The following CCDC85A variants were observed in gnomAD, a reference collection of about 807,000 sequenced individuals.
CCDC85A encodes the protein coiled-coil domain-containing protein 85A.
CCDC85A carries 38 observed loss-of-function variants against 50.2 expected under a neutral mutation model. That is an observed-to-expected ratio of 0.76 (90% confidence interval 0.58 to 0.99). The LOEUF (loss-of-function observed/expected upper bound fraction) is 0.99, where lower values mean the gene tolerates loss of function less well. Ranked by LOEUF, CCDC85A falls within the 50% of genes least tolerant of loss-of-function variation. The pLI is 0.00. For synonymous variants in CCDC85A, 366 were observed against 301.4 expected (o/e 1.21, Z -2.22); for missense variants, 820 against 742.0 (o/e 1.11, Z -1.22).
At chr2:56,219,928 A>G (rs1286796111) in intron 2 of CCDC85A, among the ~76,000 whole-genome samples, 1 of 152,006 alleles carries the variant, frequency 6.6e-6, no homozygotes, top group Non-Finnish European at 1.5e-5. Flanking sequence ...ATGACAATAC[A>G]ATGTGGTAAA....
chr2:56,282,211 A>C (rs556478902), intron 2 of CCDC85A, among the ~76,000 whole-genome samples: 1 of 152,230 alleles, frequency 6.6e-6, no homozygotes. Context: ...CCCTTGTCAA[A>C]GATCAATTGG....
intron 2 of CCDC85A, among the ~76,000 whole-genome samples, chr2:56,294,979 G>C (rs1034289990): frequency 6.6e-6 from 1 of 152,180 alleles, no homozygotes; most frequent in Admixed American, 6.5e-5. Context: ...ATACATGATA[G>C]CATGAACTAA....
intron 2 of CCDC85A, among the ~76,000 whole-genome samples, chr2:56,311,702 TTA>T (rs1415656466): frequency 6.6e-6 from 1 of 152,126 alleles, no homozygotes; most frequent in African/African-American, 2.4e-5. Context: ...TGAGTTTAAT[TTA>T]TCTTTATAAT....
At chr2:56,336,962 G>T (rs895097493) in intron 2 of CCDC85A, among the ~76,000 whole-genome samples, 4 of 152,146 alleles carry the variant, frequency 2.6e-5, no homozygotes, top group African/African-American at 9.7e-5. Context: ...AATTAATGTG[G>T]TGCTCGAGTA....
At chr2:56,238,779 G>A (rs1490424268) in intron 2 of CCDC85A, among the ~76,000 whole-genome samples, 1 of 152,032 alleles carries the variant, frequency 6.6e-6, no homozygotes, top group South Asian at 2.1e-4. Flanking sequence ...TTTGAAACAT[G>A]GGCCCAGTCT....
At chr2:56,327,292 A>G (rs992021656) in intron 2 of CCDC85A, among the ~76,000 whole-genome samples, 5 of 152,174 alleles carry the variant, frequency 3.3e-5, no homozygotes, top group Non-Finnish European at 7.3e-5. Context: ...CTCAGTATTC[A>G]TGTTTGATTA....
intron 2 of CCDC85A, among the ~76,000 whole-genome samples, chr2:56,203,760 C>T (rs904230885): frequency 2.6e-5 from 4 of 152,140 alleles, no homozygotes; most frequent in Middle Eastern, 3.4e-3. Context: ...TACAGCTTTA[C>T]GGCAATGAAA....
At chr2:56,259,925 C>G (rs932718430) in intron 2 of CCDC85A, among the ~76,000 whole-genome samples, 10 of 152,172 alleles carry the variant, frequency 6.6e-5, no homozygotes, top group African/African-American at 2.4e-4. Flanking sequence ...ATCATCTTCA[C>G]CAAACTCAAG....
intron 2 of CCDC85A, among the ~76,000 whole-genome samples, chr2:56,270,746 T>G (rs961325715): frequency 3.3e-5 from 5 of 152,218 alleles, no homozygotes; most frequent in South Asian, 2.1e-4. Flanking sequence ...GATTTAGAAG[T>G]GTCCAGAAAT....
At chr2:56,248,209 A>G (rs937211484) in intron 2 of CCDC85A, among the ~76,000 whole-genome samples, 18 of 152,216 alleles carry the variant, frequency 1.2e-4, no homozygotes, top group African/African-American at 4.3e-4. Context: ...GAGAAAGAAT[A>G]TTCTGCCAGC....
intron 2 of CCDC85A, among the ~76,000 whole-genome samples, chr2:56,195,719 G>T (rs1676494706): frequency 6.6e-6 from 1 of 152,184 alleles, no homozygotes; most frequent in Admixed American, 6.5e-5. Context: ...ATAGGAAGCA[G>T]TATCAAGGTT....
intron 2 of CCDC85A, among the ~76,000 whole-genome samples, chr2:56,317,779 T>G (rs1672986318): frequency 6.6e-6 from 1 of 152,138 alleles, no homozygotes; most frequent in African/African-American, 2.4e-5. Flanking sequence ...ACAGATCTGC[T>G]TGCCTGTAGC....
At chr2:56,372,012 C>A (rs577591901) in intron 3 of CCDC85A, among the ~76,000 whole-genome samples, 9 of 152,014 alleles carry the variant, frequency 5.9e-5, no homozygotes, top group Non-Finnish European at 1.0e-4. Context: ...CCAGGTAAAG[C>A]ATATTATTAT....
At chr2:56,264,499 A>G (rs751737883) in intron 2 of CCDC85A, among the ~76,000 whole-genome samples, 5 of 152,156 alleles carry the variant, frequency 3.3e-5, no homozygotes, top group Admixed American at 1.3e-4. Flanking sequence ...TTTTCAAAAC[A>G]TATCCAGAAT....
intron 2 of CCDC85A, among the ~76,000 whole-genome samples, chr2:56,293,208 A>G (rs1671796319): frequency 2.0e-5 from 3 of 152,218 alleles, no homozygotes; most frequent in African/African-American, 7.2e-5. Context: ...GGAGGATTCC[A>G]TGTGGAGAAA....
At chr2:56,377,887 C>CAA (rs58497352) in intron 5 of CCDC85A, among the ~76,000 whole-genome samples, 5,337 of 95,402 alleles carry the variant, frequency 0.056, 122 homozygotes, top group East Asian at 0.16. Context: ...AACTCCGTCT[C>CAA]AAAAAAAAAA....
intron 2 of CCDC85A, among the ~76,000 whole-genome samples, chr2:56,219,306 A>T (rs976687975): frequency 1.3e-5 from 2 of 150,464 alleles, no homozygotes; most frequent in Non-Finnish European, 3.0e-5. Context: ...GAAACAGTCT[A>T]CCAGAAATAT....
At chr2:56,184,965 G>A in intron 1 of CCDC85A, 65 bp downstream of exon 1, 1 of 1,428,180 alleles carries the variant, frequency 7.0e-7, no homozygotes, top group Non-Finnish European at 9.1e-7. Flanking sequence ...GGAGGAGGCG[G>A]GGCCAGGCAA....
chr2:56,192,632 C>T lies in CCDC85A; in HGVS notation c.432C>T (p.Tyr144=). 1 of 1,613,866 alleles carries T rather than the reference C, an allele frequency of 6.2e-7. No homozygotes were observed. The highest frequency in any genetic ancestry group is 8.5e-7 in the Non-Finnish European group (1 of 1,179,842). The change falls in exon 2 of 6, where the codon TAC becomes TAT. Residue 144 remains tyrosine (Y), a synonymous_variant. Coordinates refer to ENST00000407595, the MANE Select transcript of CCDC85A (RefSeq NM_001080433.2). This position sits in a 1 kb window ranked among gnomAD's most constrained non-coding sequence, Gnocchi z 4.7. ...AGVMHKEVAL[Y]LQKLKDLEVK... ...TGATGCACAAGGAAGTGGCCTTATA[C>T]CTGCAGAAGCTGAAAGACCTGGAGG...
Sources: allele counts gnomAD v4.1 joint callset (sites outside exome capture counted in the v4.1 genomes callset), GRCh38; gene constraint gnomAD v4.1.1; non-coding constraint Gnocchi (gnomAD v3.1); transcripts MANE v1.5; gene names NCBI Gene and HGNC (gene_info 2026-07-23, HGNC 2026-07-21).